The following COG5 variants were observed in gnomAD, a reference collection of about 807,000 sequenced individuals.
COG5 encodes the protein component of oligomeric golgi complex 5.
COG5 carries 86 observed loss-of-function variants against 110.4 expected under a neutral mutation model. That is an observed-to-expected ratio of 0.78 (90% CI 0.65 to 0.93). The LOEUF (loss-of-function observed/expected upper bound fraction) is 0.93. Among genes scored for constraint, COG5 ranks in the 40% least tolerant of loss-of-function variants. The pLI, the probability that COG5 is intolerant of heterozygous loss-of-function variation, is 0.00. For missense variants in COG5, 1,077 were observed against 987.0 expected, an observed-to-expected ratio of 1.09 and a Z score of -1.22; for synonymous variants, 360 against 334.6, an observed-to-expected ratio of 1.08 and a Z score of -0.83.
intron 6 of COG5, among the ~76,000 whole-genome samples, chr7:107,449,408 A>G (rs1223129602): frequency 1.9e-4 from 29 of 152,238 alleles, no homozygotes; most frequent in Admixed American, 1.9e-3. Context: ...ACAATTTGGT[A>G]GCCACATCCT....
chr7:107,433,719 T>C (rs114511183), intron 6 of COG5, among the ~76,000 whole-genome samples: 1,572 of 152,174 alleles, frequency 0.01, 14 homozygotes, highest in African/African-American at 0.036. Context: ...GCTATAAAAC[T>C]CTTAGAAGAA....
At chr7:107,447,726 T>C (rs1038700301) in intron 6 of COG5, among the ~76,000 whole-genome samples, 5 of 152,264 alleles carry the variant, frequency 3.3e-5, no homozygotes, top group Admixed American at 3.3e-4. Context: ...CCCAGTTATT[T>C]CAAATTCAAG....
At chr7:107,280,436 G>T (rs924084778) in intron 14 of COG5, among the ~76,000 whole-genome samples, 1 of 151,952 alleles carries the variant, frequency 6.6e-6, no homozygotes, top group African/African-American at 2.4e-5. Flanking sequence ...AATTATCACA[G>T]AACAAACTGA....
rs552460873 is a variant in COG5, at chr7:107,427,006, G to A, written c.539-14374C>T. The stretch of plus-strand genomic sequence containing the variant: ...TGGTTGCAGCCCCAGAAAAATATCC[G>A]AGTAATCTCTGACTACTATTCGATA... On this transcript the variant is annotated intron_variant, in intron 6 of 21. Coordinates refer to ENST00000297135, the MANE Select transcript of COG5 (RefSeq NM_006348.5). Among the ~76,000 whole-genome samples the A allele has an allele frequency of 3.7e-4, 56 of 152,266 alleles. No individual in the cohort carries two copies. In the South Asian group the frequency reaches 5.6e-3, roughly 15 times the overall value.
Position 107,468,548 on chromosome 7 carries a change from A to G in COG5, c.539-55916T>C, listed in dbSNP as rs1333959928. On this transcript the variant is annotated intron_variant, in intron 6 of 21. Transcript: ENST00000297135. ...GCAGCACAACATTTTCATTTTTAGAATTACCAAAGCCTTGCCACCCAAAGC... is the reference window on the plus strand; with the variant it reads ...GCAGCACAACATTTTCATTTTTAGAGTTACCAAAGCCTTGCCACCCAAAGC... Among the ~76,000 whole-genome samples the G allele has an allele frequency of 3.3e-5, 5 of 152,204 alleles. No homozygotes were observed. The East Asian group carries it at 9.6e-4, about 29-fold the overall frequency.
chr7:107,232,216 A>G (rs1436122568), intron 18 of COG5, among the ~76,000 whole-genome samples: 2 of 152,242 alleles, frequency 1.3e-5, no homozygotes, highest in Non-Finnish European at 2.9e-5. Flanking sequence ...GCAAAACAGA[A>G]CAGCTGTGAG....
chr7:107,324,881 A>C (rs1809632069), intron 10 of COG5, among the ~76,000 whole-genome samples: 1 of 152,194 alleles, frequency 6.6e-6, no homozygotes, highest in Non-Finnish European at 1.5e-5. Flanking sequence ...CCTGAAATAC[A>C]ATAAACTCAA....
rs555556447 is a variant in COG5, at chr7:107,219,632, T to A, written c.2169-8407A>T. On this transcript the variant is annotated intron_variant, in intron 19 of 21. Coordinates refer to ENST00000297135, the MANE Select transcript of COG5 (RefSeq NM_006348.5). ...CACTTATTTGTGGGATCTTAAACAA[T>A]AGAACTCATAGAGGCAGAGAACAGA... 3.3e-5 allele frequency among the ~76,000 whole-genome samples: 5 copies of A among 151,864 alleles called. No individual in the cohort carries two copies. The East Asian group carries it at 5.8e-4, about 18-fold the overall frequency.
chr7:107,399,391 G>A (rs975587755), intron 7 of COG5, among the ~76,000 whole-genome samples: 1 of 149,828 alleles, frequency 6.7e-6, no homozygotes, highest in Non-Finnish European at 1.5e-5. Context: ...GAGGAACCTG[G>A]TGGGAGGTGA....
chr7:107,367,027 G>A (rs1045028585), intron 8 of COG5, among the ~76,000 whole-genome samples: 21 of 151,952 alleles, frequency 1.4e-4, no homozygotes, highest in Admixed American at 9.2e-4. Context: ...TATGCCTTTC[G>A]GTGTATTTTT....
intron 6 of COG5, among the ~76,000 whole-genome samples, chr7:107,439,814 A>G (rs951901507): frequency 2.6e-5 from 4 of 152,178 alleles, no homozygotes; most frequent in African/African-American, 7.2e-5. Context: ...TGACATTTCA[A>G]AAATGGGATA....
At chr7:107,424,508 T>G (rs1251860324) in intron 6 of COG5, among the ~76,000 whole-genome samples, 3 of 151,386 alleles carry the variant, frequency 2.0e-5, no homozygotes, top group Admixed American at 1.3e-4. Context: ...AACAAAACTT[T>G]TTTTTTTTTT....
rs1298176102 is a variant in COG5, at chr7:107,236,579, G to A, written c.1962C>T (p.Cys654=). 1 of 1,613,998 alleles carries A rather than the reference G, an allele frequency of 6.2e-7. No individual in the cohort carries two copies. ...VMSDYFKHFE[C]LDFVFDNTEA... is the part of the protein sequence containing the mutation. ...CAGTGTTGTCAAAGACAAAATCCAAGCATTCAAAGTGTTTAAAATAGTCAC... is the reference window on the plus strand; with the variant it reads ...CAGTGTTGTCAAAGACAAAATCCAAACATTCAAAGTGTTTAAAATAGTCAC... The change falls in exon 18 of 22, where the codon TGC becomes TGT. Residue 654 remains cysteine, a synonymous_variant. Transcript: ENST00000297135.
At chr7:107,303,041 C>T (rs561954795) in intron 11 of COG5, among the ~76,000 whole-genome samples, 1 of 152,172 alleles carries the variant, frequency 6.6e-6, no homozygotes. Flanking sequence ...TAGCACAGTG[C>T]CTTGTAATAG....
chr7:107,365,338 A>C (rs1041566752), intron 8 of COG5, among the ~76,000 whole-genome samples: 1 of 152,080 alleles, frequency 6.6e-6, no homozygotes, highest in African/African-American at 2.4e-5. Flanking sequence ...CAAACAAAAG[A>C]TAGAAAATGT....
At chr7:107,465,518 T>C (rs139503086) in intron 6 of COG5, among the ~76,000 whole-genome samples, 9 of 152,288 alleles carry the variant, frequency 5.9e-5, no homozygotes, top group Admixed American at 2.0e-4. Context: ...AGATGTCATT[T>C]CTTTCCAAAC....
intron 19 of COG5, among the ~76,000 whole-genome samples, chr7:107,223,469 G>C (rs1433591077): frequency 6.6e-6 from 1 of 152,192 alleles, no homozygotes; most frequent in Non-Finnish European, 1.5e-5. Flanking sequence ...GACCAGGTAG[G>C]AAAGGAGGCA....
At chr7:107,220,765 C>A (rs1016478555) in intron 19 of COG5, among the ~76,000 whole-genome samples, 2 of 151,816 alleles carry the variant, frequency 1.3e-5, no homozygotes, top group African/African-American at 4.8e-5. Flanking sequence ...TGTGCCCAGG[C>A]CCTGAAAGGG....
Position 107,298,251 on chromosome 7 carries a change from G to T in COG5, c.1204C>A (p.His402Asn), listed in dbSNP as rs1806938139. 1 of 1,613,094 alleles carries T rather than the reference G, an allele frequency of 6.2e-7. No individual in the cohort carries two copies. The highest frequency in any genetic ancestry group is 1.3e-5 in the African/African-American group (1 of 74,986). ...CTTGCATTAAAATTCCCTTGGATAT[G>T]CTGACTGTATTGTTGAAGACGCTTC... ...LWKRLQQYSQ[H>N]IQGNFNASGT... is the part of the protein sequence containing the mutation. Residue 402 changes from histidine (H) to asparagine (N), a missense_variant, in exon 12 of 22, where the codon CAT (histidine) becomes AAT (asparagine). Coordinates refer to ENST00000297135, the MANE Select transcript of COG5 (RefSeq NM_006348.5).
Sources: gnomAD v4.1 joint callset for allele counts (sites outside exome capture counted in the v4.1 genomes callset) on GRCh38, gnomAD v4.1.1 for gene constraint, MANE v1.5 for transcripts, NCBI Gene and HGNC (gene_info 2026-07-23, HGNC 2026-07-21) for gene names.